Variants in STAT5B observed in about 807,000 individuals in gnomAD.
STAT5B encodes transcription factor STAT5B.
A neutral mutation model predicts 107.8 loss-of-function variants in STAT5B; 21 were observed. The ratio of observed to expected loss-of-function variants is 0.19; its 90% CI spans 0.14 to 0.28. STAT5B has a LOEUF of 0.28. Among genes scored for constraint, STAT5B ranks in the 10% least tolerant of loss-of-function variants. The pLI, the probability that STAT5B is intolerant of heterozygous loss-of-function variation, is 1.00. For synonymous variants in STAT5B, 325 were observed against 401.7 expected, an observed-to-expected ratio of 0.81 and a Z score of 2.28; for missense variants, 565 against 1,008.2, an observed-to-expected ratio of 0.56 and a Z score of 5.95.
intron 13 of STAT5B, chr17:42,210,709 C>T: frequency 1.8e-6 from 1 of 550,370 alleles, no homozygotes; most frequent in South Asian, 1.9e-5. Context: ...TACCAGCACC[C>T]AGTGGGCTCC....
At chr17:42,261,929 G>A (rs2080600314) in intron 1 of STAT5B, among the ~76,000 whole-genome samples, 1 of 152,048 alleles carries the variant, frequency 6.6e-6, no homozygotes, top group African/African-American at 2.4e-5. Flanking sequence ...CGAACTCCCG[G>A]CCTCAAGCAA....
At chr17:42,215,919 G>T in intron 12 of STAT5B, 95 bp downstream of exon 12, 1 of 1,374,064 alleles carries the variant, frequency 7.3e-7, no homozygotes. Context: ...ACTGCACCCG[G>T]CCTTTTCCTA....
At chr17:42,236,409 C>T (rs551611454) in intron 1 of STAT5B, among the ~76,000 whole-genome samples, 64 of 152,316 alleles carry the variant, frequency 4.2e-4, no homozygotes, top group Non-Finnish European at 6.3e-4. Context: ...CTCCCAGTTA[C>T]GTGAATAACA....
intron 3 of STAT5B, 149 bp downstream of exon 3, chr17:42,227,378 TAA>T (rs75771968): frequency 0.022 from 18,194 of 819,092 alleles, no homozygotes; most frequent in South Asian, 0.025. Flanking sequence ...AAATAAAAAG[TAA>T]AAAAAAAAAA....
chr17:42,238,841 A>T lies in STAT5B; in HGVS notation c.-10-6704T>A, dbSNP rs142608517. On this transcript the variant is annotated intron_variant, in intron 1 of 18. Coordinates refer to ENST00000293328, the MANE Select transcript of STAT5B (RefSeq NM_012448.4). The stretch of plus-strand genomic sequence containing the variant: ...GAGGTGGTGGTGGAAAGGCACCATG[A>T]AGTCTGTTCTCTCATCTTTGAATGA... 1.0e-3 allele frequency among the ~76,000 whole-genome samples: 159 copies of T among 152,012 alleles called. 1 individual carries two copies. The Middle Eastern group carries it at 0.014, about 13-fold the overall frequency.
intron 1 of STAT5B, among the ~76,000 whole-genome samples, chr17:42,247,774 T>A (rs2080463576): frequency 6.6e-6 from 1 of 152,002 alleles, no homozygotes. Flanking sequence ...ATATCAAGGC[T>A]CTGTCTTTAC....
At position 42,217,516 on chromosome 17, in the gene STAT5B, T is replaced by C. The variant is rs1276946306; in HGVS notation, c.1170-52A>G. On this transcript the variant is annotated intron_variant, in intron 9 of 18. Coordinates refer to ENST00000293328, the MANE Select transcript of STAT5B (RefSeq NM_012448.4). ...AAACCCATGCCAGGGTCTCAGGACA[T>C]GCGGAGTAAATAATATAATTTGGGG... 5.0e-6 allele frequency: 8 copies of C among 1,598,750 alleles called. No homozygotes were observed. In the African/African-American group the frequency reaches 8.0e-5, roughly 16 times the overall value.
chr17:42,213,746 C>T (rs1288639023), intron 12 of STAT5B, among the ~76,000 whole-genome samples: 2 of 150,294 alleles, frequency 1.3e-5, no homozygotes, highest in African/African-American at 4.9e-5. Context: ...CCAAGCTGGT[C>T]TCGAATTCCT....
At chr17:42,265,930 T>C (rs971661945) in intron 1 of STAT5B, among the ~76,000 whole-genome samples, 2 of 152,166 alleles carry the variant, frequency 1.3e-5, no homozygotes, top group African/African-American at 4.8e-5. Context: ...ATTATGGGAA[T>C]CATCTTTTTC....
Position 42,201,130 on chromosome 17 carries a change from T to C in STAT5B, c.*608A>G. On this transcript the variant is annotated 3_prime_UTR_variant, in exon 19 of 19. Transcript: ENST00000293328. ...CCATCCGAAAGCTTGTGACTTCCCT[T>C]GCCCCAACAATCTTTGTAGGTTGCC... is the stretch of plus-strand genomic sequence containing the variant. The C allele has an allele frequency of 4.9e-6, 2 of 407,040 alleles. No homozygotes were observed. The highest frequency in any genetic ancestry group is 8.7e-6 in the Non-Finnish European group (2 of 230,856). 25.2% of individuals were successfully genotyped at this position (407,040 alleles called of 1,614,324 possible).
In STAT5B at chr17:42,262,970, GTATATATATATATATATATATATATA is replaced by G. The variant is rs869160306; in HGVS notation, c.-11+13252_-11+13277del. ...TGTGTGTGTGTGTGTGTGTGTGTGT[GTATATATATATATATATATATATATA>G]TATATATATATATATATATAAAAAA... is the stretch of plus-strand genomic sequence containing the variant. On this transcript the variant is annotated intron_variant, in intron 1 of 18. Transcript: ENST00000293328. 1.0e-3 allele frequency among the ~76,000 whole-genome samples: 21 copies of G among 20,948 alleles called. No individual in the cohort carries two copies. The East Asian group carries it at 0.019, about 19-fold the overall frequency. The allele number at this position is 20,948 out of a possible 152,430, so 13.7% of individuals were successfully genotyped here.
At position 42,232,069 on chromosome 17, in the gene STAT5B, G is replaced by C; in HGVS notation, c.59C>G (p.Ala20Gly). 6.2e-7 allele frequency: 1 copy of C among 1,613,720 alleles called. No homozygotes were observed. Among genetic ancestry groups the C allele is most frequent in the Non-Finnish European group, 8.5e-7 (1 of 1,179,912 alleles). ...AATGGGAAAATGCTGGCCATATAAC[G>C]CTTGCATCTGATGAAGGGCTTCTCC... ...LQGEALHQMQALYGQHFPIEV... is the reference protein window; with the variant it reads ...LQGEALHQMQGLYGQHFPIEV... Residue 20 changes from alanine (A) to glycine (G), a missense_variant, in exon 2 of 19, where the codon GCG (alanine) becomes GGG (glycine). Physicochemically the swap from Ala to Gly is moderately conservative, Grantham distance 60. Coordinates refer to ENST00000293328, the MANE Select transcript of STAT5B (RefSeq NM_012448.4).
At chr17:42,238,044 T>C (rs2080370149) in intron 1 of STAT5B, among the ~76,000 whole-genome samples, 1 of 152,162 alleles carries the variant, frequency 6.6e-6, no homozygotes, top group Non-Finnish European at 1.5e-5. Flanking sequence ...CCTCCACAAA[T>C]AGCTCTTGCT....
intron 1 of STAT5B, among the ~76,000 whole-genome samples, chr17:42,245,605 C>A (rs1416920185): frequency 1.3e-5 from 2 of 151,996 alleles, no homozygotes; most frequent in Admixed American, 1.3e-4. Context: ...TCACTGCAAC[C>A]TCCGCCCCCC....
chr17:42,222,974 G>A (rs560061802), intron 5 of STAT5B, among the ~76,000 whole-genome samples: 10 of 152,160 alleles, frequency 6.6e-5, no homozygotes, highest in African/African-American at 1.7e-4. Context: ...GTGAGCCACC[G>A]TGCCCAGCCA....
At chr17:42,262,837 CACATATATATGTATAT>C (rs2080616296) in intron 1 of STAT5B, among the ~76,000 whole-genome samples, 16 of 105,880 alleles carry the variant, frequency 1.5e-4, no homozygotes, top group African/African-American at 5.1e-4. Flanking sequence ...TATATATACA[CACATATATATGTATAT>C]ACACACATAT....
intron 5 of STAT5B, among the ~76,000 whole-genome samples, chr17:42,221,832 T>C (rs2144259193): frequency 6.6e-6 from 1 of 152,068 alleles, no homozygotes; most frequent in South Asian, 2.1e-4. Context: ...AGATAAAGAG[T>C]AAATAAGTAG....
chr17:42,232,996 C>T (rs892846882), intron 1 of STAT5B, among the ~76,000 whole-genome samples: 94 of 151,928 alleles, frequency 6.2e-4, no homozygotes, highest in Non-Finnish European at 1.1e-3. Context: ...TGCCCGCCAC[C>T]GCACCCAGCT....
intron 4 of STAT5B, among the ~76,000 whole-genome samples, chr17:42,224,476 A>G (rs200595731): frequency 1.3e-5 from 2 of 151,814 alleles, no homozygotes; most frequent in East Asian, 3.9e-4. Context: ...AACAGCCAGG[A>G]CTACAGGCAT....
Sources: gnomAD v4.1 joint callset for allele counts (sites outside exome capture counted in the v4.1 genomes callset) on GRCh38, gnomAD v4.1.1 for gene constraint, MANE v1.5 for transcripts, NCBI Gene and HGNC (gene_info 2026-07-23, HGNC 2026-07-21) for gene names.